LHPP: variants seen among roughly 807,000 people sequenced by gnomAD.
LHPP encodes hLHPP.
Under a neutral mutation model 30.3 loss-of-function variants are expected in LHPP, and 24 were observed. The ratio of observed to expected loss-of-function variants is 0.79; its 90% confidence interval spans 0.57 to 1.11. The LOEUF (loss-of-function observed/expected upper bound fraction) is 1.11, where lower values mean the gene tolerates loss of function less well. Among genes scored for constraint, LHPP ranks in the 50% most tolerant of loss-of-function variants. The pLI is 0.00. For missense variants in LHPP, 356 were observed against 367.2 expected (o/e 0.97, Z 0.25); for synonymous variants, 150 against 157.1 (o/e 0.95, Z 0.34).
intron 6 of LHPP, chr10:124,605,328 G>T (rs71487970): frequency 0.21 from 32,284 of 152,190 alleles, 4,016 homozygotes; most frequent in Admixed American, 0.27. Flanking sequence ...CCTGTGGGGG[G>T]GACCACCGAG....
intron 1 of LHPP, among the ~76,000 whole-genome samples, chr10:124,469,587 C>T (rs1952667991): frequency 6.6e-6 from 1 of 152,020 alleles, no homozygotes; most frequent in Non-Finnish European, 1.5e-5. Flanking sequence ...GAAAATGTTG[C>T]CGAGCCCTCA....
rs932971260 is a variant in LHPP at position 124,576,203 on chromosome 10, C to G, written c.717-37061C>G. On this transcript the variant is annotated intron_variant, in intron 6 of 6. Transcript: ENST00000368842. The surrounding 1 kb of genome is among the most constrained non-coding windows in gnomAD (Gnocchi z 4.2). ...TGTACTGCCTAATAGAGTGCTCACACATGTTAAAACTACCTGGCAGGCAGG... is the reference window on the plus strand; with the variant it reads ...TGTACTGCCTAATAGAGTGCTCACAGATGTTAAAACTACCTGGCAGGCAGG... Among the ~76,000 whole-genome samples the G allele has an allele frequency of 6.6e-6, 1 of 152,146 alleles. No homozygotes were observed. Among genetic ancestry groups the G allele is most frequent in the Non-Finnish European group, 1.5e-5 (1 of 68,018 alleles).
At chr10:124,498,252 C>T in intron 5 of LHPP, 124 bp downstream of exon 5, 1 of 1,517,934 alleles carries the variant, frequency 6.6e-7, no homozygotes, top group Non-Finnish European at 9.1e-7. Context: ...GCGTGGGCTC[C>T]CTGTGAAAGC....
chr10:124,587,445 C>A (rs963115888), intron 6 of LHPP, among the ~76,000 whole-genome samples: 16 of 151,894 alleles, frequency 1.1e-4, no homozygotes, highest in Admixed American at 2.6e-4. Context: ...CAAATGTGGC[C>A]CAAATCCACC....
chr10:124,462,530 G>T (rs1952434212), intron 1 of LHPP, among the ~76,000 whole-genome samples: 1 of 152,164 alleles, frequency 6.6e-6, no homozygotes, highest in Non-Finnish European at 1.5e-5. Flanking sequence ...AGGAGGTCAA[G>T]GCTACAGTGA....
intron 1 of LHPP, among the ~76,000 whole-genome samples, chr10:124,479,906 C>T (rs1832306197): frequency 1.3e-5 from 2 of 152,274 alleles, no homozygotes; most frequent in East Asian, 1.9e-4. Flanking sequence ...TGGTTCTTGC[C>T]TCATAGGCTC....
intron 6 of LHPP, chr10:124,605,536 T>A (rs988063772): frequency 6.6e-5 from 10 of 152,370 alleles, no homozygotes; most frequent in African/African-American, 2.4e-4. Context: ...TCTTGAAACG[T>A]GAACAGGAGT....
intron 6 of LHPP, among the ~76,000 whole-genome samples, chr10:124,585,508 A>G (rs12571803): frequency 0.61 from 92,321 of 151,444 alleles, 28,918 homozygotes; most frequent in African/African-American, 0.77. Context: ...CCAGCTACTC[A>G]GGAGGCTGAG....
chr10:124,594,054 G>A (rs1004167644), intron 6 of LHPP, among the ~76,000 whole-genome samples: 3 of 152,106 alleles, frequency 2.0e-5, no homozygotes, highest in Non-Finnish European at 4.4e-5. Context: ...AGACAGCATC[G>A]GCCGGACGTG....
chr10:124,570,202 A>G (rs943927085), intron 6 of LHPP, among the ~76,000 whole-genome samples: 9 of 152,146 alleles, frequency 5.9e-5, no homozygotes, highest in Non-Finnish European at 1.0e-4. Context: ...CTCTGTCCCC[A>G]TGGCACCCAC....
At chr10:124,554,232 C>CT (rs1948246630) in intron 6 of LHPP, 1 of 244,896 alleles carries the variant, frequency 4.1e-6, no homozygotes, top group Admixed American at 6.5e-5. Flanking sequence ...GTCACCTAGG[C>CT]TGGAGTGCAG....
intron 3 of LHPP, among the ~76,000 whole-genome samples, chr10:124,488,992 G>A (rs926479703): frequency 7.9e-5 from 12 of 152,174 alleles, no homozygotes; most frequent in Non-Finnish European, 1.3e-4. Context: ...AGGCTTGAGG[G>A]CCTACCCAGT....
chr10:124,509,000 G>T (rs998282038), intron 5 of LHPP, among the ~76,000 whole-genome samples: 1 of 152,032 alleles, frequency 6.6e-6, no homozygotes, highest in African/African-American at 2.4e-5. Context: ...TACCTGTTGG[G>T]GTAGTTTTTC....
intron 3 of LHPP, among the ~76,000 whole-genome samples, chr10:124,492,808 GC>G (rs1483839345): frequency 6.6e-6 from 1 of 152,174 alleles, no homozygotes; most frequent in Non-Finnish European, 1.5e-5. Context: ...GACCCATTAG[GC>G]CTTTGAGTCA....
At chr10:124,554,062 C>A in intron 6 of LHPP, 1 of 985,436 alleles carries the variant, frequency 1.0e-6, no homozygotes. Flanking sequence ...CCTGTAGTTG[C>A]GGGGCGGTGG....
At chr10:124,522,410 C>T (rs1954632026) in intron 6 of LHPP, among the ~76,000 whole-genome samples, 1 of 152,164 alleles carries the variant, frequency 6.6e-6, no homozygotes, top group African/African-American at 2.4e-5. Context: ...CGTGGGGGGT[C>T]CTGTGCCATG....
At chr10:124,553,007 C>T (rs1156626556) in intron 6 of LHPP, among the ~76,000 whole-genome samples, 2 of 152,240 alleles carry the variant, frequency 1.3e-5, no homozygotes, top group South Asian at 2.1e-4. Context: ...GCTGGCCTTC[C>T]GAGCTGATAA....
chr10:124,603,894 G>A (rs1333871899), intron 6 of LHPP, among the ~76,000 whole-genome samples: 1 of 152,232 alleles, frequency 6.6e-6, no homozygotes, highest in Non-Finnish European at 1.5e-5. Context: ...AGTGAGAACA[G>A]GTAGCTGAGG....
intron 6 of LHPP, among the ~76,000 whole-genome samples, chr10:124,546,611 C>T (rs969472935): frequency 2.6e-5 from 4 of 152,108 alleles, no homozygotes; most frequent in Non-Finnish European, 5.9e-5. Context: ...GGGGTTTCAC[C>T]ATGTTAGCCA....
Sources: gnomAD v4.1 joint callset for allele counts (sites outside exome capture counted in the v4.1 genomes callset) on GRCh38, gnomAD v4.1.1 for gene constraint, Gnocchi (gnomAD v3.1) non-coding constraint, MANE v1.5 for transcripts, NCBI Gene and HGNC (gene_info 2026-07-23, HGNC 2026-07-21) for gene names.